USP37: variants seen among roughly 807,000 people sequenced by gnomAD.
The protein encoded by USP37 is ubiquitin specific peptidase 37.
A neutral mutation model predicts 124.0 loss-of-function variants in USP37; 27 were observed. The ratio of observed to expected loss-of-function variants is 0.22; its 90% CI spans 0.16 to 0.30. The LOEUF (loss-of-function observed/expected upper bound fraction) is 0.30, where lower values mean the gene tolerates loss of function less well. USP37 is among the 10% of genes least tolerant of loss of function. The pLI, the probability that USP37 is intolerant of heterozygous loss-of-function variation, is 1.00. For missense variants in USP37, 889 were observed against 1,140.4 expected, an observed-to-expected ratio of 0.78 and a Z score of 3.17; for synonymous variants, 365 against 388.0, an observed-to-expected ratio of 0.94 and a Z score of 0.70.
At chr2:218,506,285 G>T (rs1348303126) in intron 11 of USP37, among the ~76,000 whole-genome samples, 3 of 106,018 alleles carry the variant, frequency 2.8e-5, no homozygotes, top group African/African-American at 1.1e-4. Flanking sequence ...TTTCTTTCTG[G>T]CTTTTTTTTT....
At chr2:218,491,900 T>A (rs919745084) in intron 14 of USP37, among the ~76,000 whole-genome samples, 2 of 151,946 alleles carry the variant, frequency 1.3e-5, no homozygotes, top group South Asian at 2.1e-4. Context: ...GAGGGCACTA[T>A]CTAAATGAGA....
intron 10 of USP37, chr2:218,528,752 T>C (rs927227954): frequency 5.1e-6 from 2 of 392,818 alleles, no homozygotes; most frequent in African/African-American, 4.8e-5. Context: ...TGATCACATG[T>C]TCTCAACAAG....
intron 18 of USP37, among the ~76,000 whole-genome samples, chr2:218,477,394 C>A (rs1046681248): frequency 6.6e-6 from 1 of 152,178 alleles, no homozygotes; most frequent in African/African-American, 2.4e-5. Flanking sequence ...CAGTAACATT[C>A]CACTTATCCA....
At position 218,558,574 on chromosome 2, in the gene USP37, A is replaced by C; in HGVS notation, c.80T>G (p.Phe27Cys). 1 of 1,613,642 alleles carries C rather than the reference A, an allele frequency of 6.2e-7. No homozygotes were observed. The highest frequency in any genetic ancestry group is 8.5e-7 in the Non-Finnish European group (1 of 1,179,836). ...TTTATTCTCTTTTTCTACAATTTCA[A>C]AGGATCCTTCTTTCCACTTTGTAAT... The part of the protein sequence containing the change: ...TGITKWKEGS[F>C]EIVEKENKVS... The change falls in exon 4 of 26, where the codon TTT (phenylalanine) becomes TGT (cysteine). Residue 27 changes from phenylalanine to cysteine, a missense_variant. Around this residue, in one of 3 missense-constraint regions of USP37, gnomAD observed 374 missense variants for 386.0 expected, o/e 0.97. Transcript: ENST00000258399.
intron 4 of USP37, among the ~76,000 whole-genome samples, chr2:218,556,503 GTTTTT>G (rs34907421): frequency 3.7e-5 from 2 of 53,806 alleles, no homozygotes; most frequent in African/African-American, 6.0e-5. Context: ...GGGTTTTTCT[GTTTTT>G]TTTTTTTTTT....
At chr2:218,479,025 G>A (rs753545557) in intron 18 of USP37, among the ~76,000 whole-genome samples, 36 of 152,098 alleles carry the variant, frequency 2.4e-4, no homozygotes, top group African/African-American at 5.5e-4. Flanking sequence ...AAAGTCAAAC[G>A]ACAACTAAAT....
At chr2:218,548,646 T>C (rs1692506148) in intron 6 of USP37, among the ~76,000 whole-genome samples, 1 of 152,146 alleles carries the variant, frequency 6.6e-6, no homozygotes. Context: ...CCTGGCCGCA[T>C]AGTAAGAAAT....
At chr2:218,475,644 C>T (rs1241470441) in intron 19 of USP37, among the ~76,000 whole-genome samples, 1 of 152,124 alleles carries the variant, frequency 6.6e-6, no homozygotes, top group South Asian at 2.1e-4. Flanking sequence ...GACAGAGAAT[C>T]GCCTGAACCT....
At chr2:218,455,995 G>A (rs1417544687) in intron 24 of USP37, among the ~76,000 whole-genome samples, 1 of 152,132 alleles carries the variant, frequency 6.6e-6, no homozygotes, top group African/African-American at 2.4e-5. Flanking sequence ...GCAGTGAACC[G>A]AGATAGCACC....
intron 5 of USP37, among the ~76,000 whole-genome samples, chr2:218,550,278 G>GT (rs1357593026): frequency 6.6e-6 from 1 of 151,168 alleles, no homozygotes; most frequent in Non-Finnish European, 1.5e-5. Flanking sequence ...GTCAGAAACA[G>GT]TGACAGTTGT....
chr2:218,505,553 T>C (rs1689633585), intron 11 of USP37, among the ~76,000 whole-genome samples: 1 of 152,210 alleles, frequency 6.6e-6, no homozygotes, highest in African/African-American at 2.4e-5. Flanking sequence ...TTTGACATCT[T>C]GGCTTGGCAT....
chr2:218,489,231 G>A (rs940509016), intron 14 of USP37, among the ~76,000 whole-genome samples: 2 of 150,808 alleles, frequency 1.3e-5, no homozygotes, highest in Non-Finnish European at 3.0e-5. Context: ...GGTGGCGCGT[G>A]CCTGTAATCC....
intron 21 of USP37, among the ~76,000 whole-genome samples, chr2:218,464,950 T>C (rs958697047): frequency 1.3e-5 from 2 of 151,752 alleles, no homozygotes; most frequent in African/African-American, 2.4e-5. Context: ...GCATGGTGGA[T>C]GCTCCTGTGG....
At position 218,529,960 on chromosome 2, in the gene USP37, C is replaced by T. The variant is rs753278090; in HGVS notation, c.859G>A (p.Asp287Asn). 1 of 1,609,776 alleles carries T rather than the reference C, an allele frequency of 6.2e-7. No homozygotes were observed. Among genetic ancestry groups the T allele is most frequent in the East Asian group, 2.2e-5 (1 of 44,836 alleles). The change falls in exon 10 of 26, where the codon GAC becomes AAC. Residue 287 changes from aspartate to asparagine, a missense_variant. Asp to Asn is a conservative substitution (Grantham distance 23, BLOSUM62 1). Coordinates refer to ENST00000258399, the MANE Select transcript of USP37 (RefSeq NM_020935.3). Reference protein sequence around the residue: ...KEHSSGGTNLDRTNVSSQTPS... With the variant: ...KEHSSGGTNLNRTNVSSQTPS... ...AGTAATATAACCAATGCATACCTGT[C>T]TAAGTTAGTGCCACCAGAAGAGTGT...
At chr2:218,458,278 A>T (rs1689819237) in intron 23 of USP37, among the ~76,000 whole-genome samples, 1 of 139,828 alleles carries the variant, frequency 7.2e-6, no homozygotes, top group South Asian at 2.3e-4. Context: ...AAAAAAAAAC[A>T]ACTCTATGTT....
chr2:218,563,598 G>GT (rs1438955683), intron 1 of USP37, among the ~76,000 whole-genome samples: 5 of 152,154 alleles, frequency 3.3e-5, no homozygotes, highest in African/African-American at 9.7e-5. Context: ...AACTTTCTCT[G>GT]AAGTTCTACC....
intron 5 of USP37, 28 bp downstream of exon 5, chr2:218,553,525 G>A (rs371017554): frequency 8.9e-6 from 14 of 1,570,822 alleles, no homozygotes; most frequent in South Asian, 5.9e-5. Context: ...AAATACTAAC[G>A]TTAGACCCTG....
At chr2:218,523,121 C>CA (rs1690757646) in intron 10 of USP37, among the ~76,000 whole-genome samples, 1 of 152,090 alleles carries the variant, frequency 6.6e-6, no homozygotes, top group Admixed American at 6.5e-5. Flanking sequence ...ACCAAAAATA[C>CA]AAAAATTAGC....
rs369573361 is a variant in USP37 at position 218,497,976 on chromosome 2, T to C, written c.1157+50A>G. On this transcript the variant is annotated intron_variant, in intron 12 of 25. Transcript: ENST00000258399. ...GAGTGTCTAAAATTCCATTATTCTA[T>C]AATCAATGAAGTAAAAGGTTACTCA... The C allele has an allele frequency of 4.9e-5, 77 of 1,568,452 alleles. No individual in the cohort carries two copies. In the African/African-American group the frequency reaches 7.7e-4, roughly 16 times the overall value.
Sources: gnomAD v4.1 joint callset for allele counts (sites outside exome capture counted in the v4.1 genomes callset) on GRCh38, gnomAD v4.1.1 for gene constraint, gnomAD v4.1.1 regional missense constraint, MANE v1.5 for transcripts, NCBI Gene and HGNC (gene_info 2026-07-23, HGNC 2026-07-21) for gene names.